The following FBXO32 variants were observed in gnomAD, a reference collection of about 807,000 sequenced individuals.
FBXO32 encodes F-box protein 32.
Under a neutral mutation model 48.3 loss-of-function variants are expected in FBXO32, and 15 were observed. The observed-to-expected ratio is 0.31, with a 90% CI of 0.21 to 0.48. FBXO32 has a LOEUF of 0.48. FBXO32 is among the 20% of genes least tolerant of loss of function. The pLI is 0.99. For missense variants in FBXO32, 309 were observed against 432.7 expected, an observed-to-expected ratio of 0.71 and a Z score of 2.54; for synonymous variants, 154 against 165.9, an observed-to-expected ratio of 0.93 and a Z score of 0.55.
At position 123,536,942 on chromosome 8, in the gene FBXO32, A is replaced by G. The variant is rs532050780; in HGVS notation, c.117-2128T>C. 1.8e-4 allele frequency among the ~76,000 whole-genome samples: 28 copies of G among 152,334 alleles called. No individual in the cohort carries two copies. In the South Asian group the frequency reaches 5.6e-3, roughly 30 times the overall value. ...AAAGCTAGTTTAGAAAGAATTTTAC[A>G]TAATTGATGATGTTCTCTCACCGTA... On this transcript the variant is annotated intron_variant, in intron 1 of 8. Coordinates refer to ENST00000517956, the MANE Select transcript of FBXO32 (RefSeq NM_058229.4).
rs1310664870 is a variant in FBXO32, at chr8:123,525,421, T to A, written c.372+6477A>T. Reference sequence around the variant, plus strand: ...CGTGACCTTTCTGGGCTGTTAATGGTAGCTACAGTTACTGTAGACTTGGGC... The same window carrying A: ...CGTGACCTTTCTGGGCTGTTAATGGAAGCTACAGTTACTGTAGACTTGGGC... On this transcript the variant is annotated intron_variant, in intron 4 of 8. Transcript: ENST00000517956. The surrounding 1 kb of genome is among the most constrained non-coding windows in gnomAD (Gnocchi z 4.3). Among the ~76,000 whole-genome samples the A allele has an allele frequency of 1.3e-5, 2 of 152,198 alleles. No homozygotes were observed. Among genetic ancestry groups the A allele is most frequent in the African/African-American group, 4.8e-5 (2 of 41,440 alleles).
At chr8:123,531,194 C>G (rs540510465) in intron 4 of FBXO32, among the ~76,000 whole-genome samples, 193 of 151,910 alleles carry the variant, frequency 1.3e-3, no homozygotes, top group Non-Finnish European at 2.2e-3. Flanking sequence ...GTTGTCCAGG[C>G]TGGTCTCAAA....
chr8:123,507,801 A>G (rs1816659797), intron 6 of FBXO32, among the ~76,000 whole-genome samples: 1 of 152,104 alleles, frequency 6.6e-6, no homozygotes, highest in Non-Finnish European at 1.5e-5. Context: ...AGTGCCTACT[A>G]TGGCCTGGTG....
chr8:123,502,387 G>T lies in FBXO32; in HGVS notation c.*986C>A, dbSNP rs1391138489. On this transcript the variant is annotated 3_prime_UTR_variant, in exon 9 of 9. Transcript: ENST00000517956. ...AGGAAGTCTTCACAGCTATTGATTGGGTGACCAATTCTATCATCTTTTCTG... is the reference window on the plus strand; with the variant it reads ...AGGAAGTCTTCACAGCTATTGATTGTGTGACCAATTCTATCATCTTTTCTG... 6.6e-6 allele frequency: 1 copy of T among 152,204 alleles called. No individual in the cohort carries two copies. The highest frequency in any genetic ancestry group is 1.5e-5 in the Non-Finnish European group (1 of 68,086). 9.4% of individuals were successfully genotyped at this position (152,204 alleles called of 1,614,324 possible).
rs1816613027 is a variant in FBXO32 at position 123,506,144 on chromosome 8, G to T, written c.834+248C>A. Reference sequence around the variant, plus strand: ...CTCGGGAGGCTGAGGTGGGAGGGTTGCTTGAGCCCAAGTGGCTGAGGTTAC... The same window carrying T: ...CTCGGGAGGCTGAGGTGGGAGGGTTTCTTGAGCCCAAGTGGCTGAGGTTAC... On this transcript the variant is annotated intron_variant, in intron 7 of 8. Coordinates refer to ENST00000517956, the MANE Select transcript of FBXO32 (RefSeq NM_058229.4). This position sits in a 1 kb window ranked among gnomAD's most constrained non-coding sequence, Gnocchi z 4.0. Among the ~76,000 whole-genome samples, 1 of 152,150 alleles carries T rather than the reference G, an allele frequency of 6.6e-6. No homozygotes were observed. The highest frequency in any genetic ancestry group is 2.4e-5 in the African/African-American group (1 of 41,424).
At chr8:123,532,853 G>A (rs1817236095) in intron 3 of FBXO32, among the ~76,000 whole-genome samples, 1 of 152,198 alleles carries the variant, frequency 6.6e-6, no homozygotes, top group Admixed American at 6.5e-5. Flanking sequence ...CTGAGTTGAA[G>A]TCCAAAGAGA....
At chr8:123,519,672 G>T (rs759337932) in intron 4 of FBXO32, among the ~76,000 whole-genome samples, 10 of 152,112 alleles carry the variant, frequency 6.6e-5, no homozygotes, top group Non-Finnish European at 1.0e-4. Context: ...TGAGGCAACT[G>T]CTTTGGGTAA....
chr8:123,512,975 G>C (rs958997392), intron 6 of FBXO32, among the ~76,000 whole-genome samples: 2 of 152,144 alleles, frequency 1.3e-5, no homozygotes, highest in Non-Finnish European at 2.9e-5. Flanking sequence ...TAGTTCACCA[G>C]GCTGTCATCT....
chr8:123,508,777 C>T (rs1411396079), intron 6 of FBXO32, among the ~76,000 whole-genome samples: 2 of 152,098 alleles, frequency 1.3e-5, no homozygotes, highest in Non-Finnish European at 2.9e-5. Context: ...TTGGTTAAAA[C>T]TCCCAGGCCA....
intron 6 of FBXO32, among the ~76,000 whole-genome samples, chr8:123,507,869 T>C (rs946872025): frequency 3.9e-5 from 6 of 152,018 alleles, no homozygotes; most frequent in Non-Finnish European, 8.8e-5. Flanking sequence ...CAGAAACAAA[T>C]AATCATAAAA....
chr8:123,515,405 GTT>G (rs748861766), intron 4 of FBXO32, among the ~76,000 whole-genome samples: 1 of 139,388 alleles, frequency 7.2e-6, no homozygotes, highest in Non-Finnish European at 1.6e-5. Flanking sequence ...CTGGCTAACA[GTT>G]TTTTTTTTTT....
rs1816533294 is a variant in FBXO32, at chr8:123,503,177, G to T, written c.*196C>A. On this transcript the variant is annotated 3_prime_UTR_variant, in exon 9 of 9. Coordinates refer to ENST00000517956, the MANE Select transcript of FBXO32 (RefSeq NM_058229.4). Reference sequence around the variant, plus strand: ...ATTTTGCTTTTCCATACCAATTCTAGTGAGAAGTTCACATTCTTAAATTCC... The same window carrying T: ...ATTTTGCTTTTCCATACCAATTCTATTGAGAAGTTCACATTCTTAAATTCC... The T allele has an allele frequency of 2.5e-5, 12 of 474,622 alleles. No individual in the cohort carries two copies. Among genetic ancestry groups the T allele is most frequent in the Non-Finnish European group, 4.1e-5 (11 of 267,590 alleles). The allele number at this position is 474,622 out of a possible 1,614,324, so 29.4% of individuals were successfully genotyped here.
In FBXO32 at chr8:123,503,277, A is replaced by G; in HGVS notation, c.*96T>C. ...TCTGAAGTTTCGAGCCAATGTTTAA[A>G]ATGTACACTATTTACAAATGAAGTG... On this transcript the variant is annotated 3_prime_UTR_variant, in exon 9 of 9. Coordinates refer to ENST00000517956, the MANE Select transcript of FBXO32 (RefSeq NM_058229.4). 1 of 1,006,968 alleles carries G rather than the reference A, an allele frequency of 9.9e-7. No individual in the cohort carries two copies. The highest frequency in any genetic ancestry group is 2.5e-5 in the East Asian group (1 of 40,404). 62.4% of individuals were successfully genotyped at this position (1,006,968 alleles called of 1,614,324 possible). A position where few individuals can be genotyped will look rare whatever the true frequency, so the allele number is the denominator to read the frequency against.
chr8:123,519,328 C>T (rs986532945), intron 4 of FBXO32, among the ~76,000 whole-genome samples: 7 of 152,128 alleles, frequency 4.6e-5, no homozygotes, highest in East Asian at 1.9e-4. Flanking sequence ...CTGAGGCAGG[C>T]GGATCACGAG....
chr8:123,506,630 G>C lies in FBXO32; in HGVS notation c.652-56C>G. ...GGGCCAGAGAGCAGCGATTCACCAG[G>C]CCACACCCTCCAGGCATGCAGCTGT... is the stretch of plus-strand genomic sequence containing the variant. On this transcript the variant is annotated intron_variant, in intron 6 of 8. Transcript: ENST00000517956. The surrounding 1 kb of genome is among the most constrained non-coding windows in gnomAD (Gnocchi z 4.0). 1.4e-6 allele frequency: 2 copies of C among 1,458,774 alleles called. No homozygotes were observed. The highest frequency in any genetic ancestry group is 1.9e-6 in the Non-Finnish European group (2 of 1,068,362). 90.4% of individuals were successfully genotyped at this position (1,458,774 alleles called of 1,614,324 possible). A position where few individuals can be genotyped will look rare whatever the true frequency, so the allele number is the denominator to read the frequency against.
intron 4 of FBXO32, among the ~76,000 whole-genome samples, chr8:123,526,351 G>A (rs1281924698): frequency 6.6e-6 from 1 of 151,800 alleles, no homozygotes; most frequent in Non-Finnish European, 1.5e-5. Context: ...TCAGCGTCCC[G>A]AGTAGCTGGG....
At chr8:123,515,963 G>A (rs1345184849) in intron 4 of FBXO32, among the ~76,000 whole-genome samples, 2 of 152,152 alleles carry the variant, frequency 1.3e-5, no homozygotes, top group African/African-American at 2.4e-5. Context: ...TTGAACTCTC[G>A]CCTGGGCAAC....
At position 123,499,348 on chromosome 8, in the gene FBXO32, C is replaced by T. The variant is rs1816430745; in HGVS notation, c.*4025G>A. ...CAAGGACCCAAGATATATCAAAGAA[C>T]AACATCTCTGTATTGGCCTACAGGT... On this transcript the variant is annotated 3_prime_UTR_variant, in exon 9 of 9. Transcript: ENST00000517956. 6.6e-6 allele frequency: 1 copy of T among 151,980 alleles called. No individual in the cohort carries two copies. Among genetic ancestry groups the T allele is most frequent in the African/African-American group, 2.4e-5 (1 of 41,370 alleles). 9.4% of individuals were successfully genotyped at this position (151,980 alleles called of 1,614,324 possible). A position where few individuals can be genotyped will look rare whatever the true frequency, so the allele number is the denominator to read the frequency against.
At position 123,506,297 on chromosome 8, in the gene FBXO32, G is replaced by C; in HGVS notation, c.834+95C>G. Reference sequence around the variant, plus strand: ...CAAACCAGGGAACCTGGAATAGGGGGAACCCAGACCTCAGGCTTGAGCAGG... The same window carrying C: ...CAAACCAGGGAACCTGGAATAGGGGCAACCCAGACCTCAGGCTTGAGCAGG... On this transcript the variant is annotated intron_variant, in intron 7 of 8. Transcript: ENST00000517956. This position sits in a 1 kb window ranked among gnomAD's most constrained non-coding sequence, Gnocchi z 4.0. The C allele has an allele frequency of 7.4e-7, 1 of 1,355,546 alleles. No homozygotes were observed. Among genetic ancestry groups the C allele is most frequent in the Non-Finnish European group, 1.0e-6 (1 of 972,270 alleles). 84.0% of individuals were successfully genotyped at this position (1,355,546 alleles called of 1,614,324 possible). A position where few individuals can be genotyped will look rare whatever the true frequency, so the allele number is the denominator to read the frequency against.
Sources: gnomAD v4.1 joint callset for allele counts (sites outside exome capture counted in the v4.1 genomes callset) on GRCh38, gnomAD v4.1.1 for gene constraint, Gnocchi (gnomAD v3.1) non-coding constraint, MANE v1.5 for transcripts, NCBI Gene and HGNC (gene_info 2026-07-23, HGNC 2026-07-21) for gene names.